GRID2: variants seen among roughly 807,000 people sequenced by gnomAD.
GRID2 encodes the protein glutamate receptor ionotropic, delta-2.
In GRID2, 33 loss-of-function variants were observed where a neutral mutation model predicts 114.8. The observed-to-expected ratio is 0.29, with a 90% CI of 0.22 to 0.38. GRID2 has a LOEUF of 0.38. Among genes scored for constraint, GRID2 ranks in the 10% least tolerant of loss-of-function variants. The probability of loss-of-function intolerance (pLI) is 1.00; values close to 1 mark genes in which losing one functional copy is unlikely to be tolerated. For missense variants in GRID2, 1,184 were observed against 1,257.7 expected (o/e 0.94, Z 0.89); for synonymous variants, 505 against 449.9 (o/e 1.12, Z -1.55).
intron 1 of GRID2, among the ~76,000 whole-genome samples, chr4:92,377,038 T>C (rs1170209528): frequency 2.0e-5 from 3 of 152,194 alleles, no homozygotes; most frequent in Non-Finnish European, 4.4e-5. Flanking sequence ...CATTTGGCTG[T>C]TTGTTACTTA....
intron 2 of GRID2, among the ~76,000 whole-genome samples, chr4:92,627,130 A>C (rs1730560308): frequency 6.6e-6 from 1 of 152,076 alleles, no homozygotes; most frequent in South Asian, 2.1e-4. Context: ...ATACTTTAAA[A>C]ATTAGATACA....
At chr4:92,516,413 A>G (rs1302031577) in intron 1 of GRID2, among the ~76,000 whole-genome samples, 1 of 151,912 alleles carries the variant, frequency 6.6e-6, no homozygotes, top group African/African-American at 2.4e-5. Context: ...ATAGTAGGCA[A>G]TCAATGATGT....
intron 4 of GRID2, among the ~76,000 whole-genome samples, chr4:93,197,986 A>G (rs1458742619): frequency 6.6e-6 from 1 of 152,114 alleles, no homozygotes; most frequent in African/African-American, 2.4e-5. Flanking sequence ...ATTTTTTCTA[A>G]TGACTTCCTT....
intron 12 of GRID2, among the ~76,000 whole-genome samples, chr4:93,511,295 A>C (rs562109910): frequency 1.3e-3 from 204 of 152,318 alleles, no homozygotes; most frequent in African/African-American, 4.8e-3. Flanking sequence ...AATTTTACAG[A>C]AACCTAAAGC....
At chr4:92,657,233 C>CTGTGTGAA (rs1202479203) in intron 2 of GRID2, among the ~76,000 whole-genome samples, 18 of 150,714 alleles carry the variant, frequency 1.2e-4, no homozygotes, top group African/African-American at 4.4e-4. Flanking sequence ...ATCACATAAT[C>CTGTGTGAA]TGTGTGAATC....
At chr4:93,351,249 G>T (rs1405789644) in intron 8 of GRID2, among the ~76,000 whole-genome samples, 1 of 152,006 alleles carries the variant, frequency 6.6e-6, no homozygotes, top group Non-Finnish European at 1.5e-5. Flanking sequence ...TCTTTTCACA[G>T]CAAATAGTTA....
At chr4:93,265,752 A>G (rs543972190) in intron 8 of GRID2, among the ~76,000 whole-genome samples, 8 of 152,306 alleles carry the variant, frequency 5.3e-5, no homozygotes, top group Non-Finnish European at 1.2e-4. Flanking sequence ...GAGTCCACTG[A>G]AGGAATAAAG....
At chr4:92,744,411 C>G (rs1578134188) in intron 2 of GRID2, among the ~76,000 whole-genome samples, 1 of 151,560 alleles carries the variant, frequency 6.6e-6, no homozygotes, top group Non-Finnish European at 1.5e-5. Context: ...TTCCTTGAAC[C>G]CGGGAGGCGG....
intron 2 of GRID2, among the ~76,000 whole-genome samples, chr4:92,828,529 G>A (rs2149395779): frequency 6.6e-6 from 1 of 152,018 alleles, no homozygotes; most frequent in South Asian, 2.1e-4. Flanking sequence ...TCATTCTTTG[G>A]CAACATTGTT....
intron 13 of GRID2, among the ~76,000 whole-genome samples, chr4:93,544,135 A>G (rs1432157741): frequency 6.6e-6 from 1 of 152,140 alleles, no homozygotes; most frequent in Non-Finnish European, 1.5e-5. Flanking sequence ...CAGCTCTCCC[A>G]GAGATTTGCT....
intron 14 of GRID2, among the ~76,000 whole-genome samples, chr4:93,755,943 TTAA>T (rs1473824326): frequency 2.0e-5 from 3 of 152,190 alleles, no homozygotes; most frequent in African/African-American, 7.2e-5. Flanking sequence ...AGGAGTTAAG[TTAA>T]TGAAAGCTTG....
chr4:92,933,426 CA>C (rs1436428417), intron 2 of GRID2, among the ~76,000 whole-genome samples: 1 of 151,344 alleles, frequency 6.6e-6, no homozygotes, highest in Non-Finnish European at 1.5e-5. Context: ...GCTTCACAAA[CA>C]AAACAGAGAG....
At chr4:93,286,631 C>T (rs1318922669) in intron 8 of GRID2, among the ~76,000 whole-genome samples, 2 of 151,712 alleles carry the variant, frequency 1.3e-5, no homozygotes, top group Non-Finnish European at 2.9e-5. Flanking sequence ...CCATCACCTC[C>T]GGAAACTTCA....
chr4:92,415,831 A>G (rs565828130), intron 1 of GRID2, among the ~76,000 whole-genome samples: 40 of 144,762 alleles, frequency 2.8e-4, no homozygotes, highest in Middle Eastern at 3.6e-3. Flanking sequence ...CTGGTTTCAT[A>G]TCTTTGCAAT....
At chr4:93,303,679 GTGT>G (rs1263504620) in intron 8 of GRID2, among the ~76,000 whole-genome samples, 2 of 152,146 alleles carry the variant, frequency 1.3e-5, no homozygotes, top group African/African-American at 4.8e-5. Flanking sequence ...CTGCCTCTGT[GTGT>G]TTTTTTGTTT....
chr4:93,066,193 G>A (rs1435927123), intron 2 of GRID2, among the ~76,000 whole-genome samples: 1 of 151,818 alleles, frequency 6.6e-6, no homozygotes, highest in Non-Finnish European at 1.5e-5. Flanking sequence ...TTATCAAAAT[G>A]GTATTTGTTC....
chr4:92,686,272 A>C (rs1222010729), intron 2 of GRID2, among the ~76,000 whole-genome samples: 1 of 152,082 alleles, frequency 6.6e-6, no homozygotes, highest in Non-Finnish European at 1.5e-5. Flanking sequence ...TTACTTAAAG[A>C]TGGTATCAAC....
intron 2 of GRID2, among the ~76,000 whole-genome samples, chr4:92,757,949 A>C (rs539991050): frequency 5.3e-5 from 8 of 152,220 alleles, no homozygotes; most frequent in African/African-American, 1.9e-4. Context: ...ATTCCAAAAA[A>C]GGAGGAGATC....
chr4:92,735,551 A>G (rs1736550804), intron 2 of GRID2, among the ~76,000 whole-genome samples: 1 of 152,122 alleles, frequency 6.6e-6, no homozygotes, highest in Non-Finnish European at 1.5e-5. Flanking sequence ...TTACAAAAGG[A>G]AATAAAAGTA....
Sources: gnomAD v4.1 joint callset for allele counts (sites outside exome capture counted in the v4.1 genomes callset) on GRCh38, gnomAD v4.1.1 for gene constraint, MANE v1.5 for transcripts, NCBI Gene and HGNC (gene_info 2026-07-23, HGNC 2026-07-21) for gene names.